Variants in CEP295 observed in about 807,000 individuals in gnomAD.
The protein encoded by CEP295 is centrosomal protein of 295 kDa.
Under a neutral mutation model 291.6 loss-of-function variants are expected in CEP295, and 190 were observed. That is an observed-to-expected ratio of 0.65 (90% confidence interval 0.58 to 0.73). CEP295 has a LOEUF of 0.73. Among genes scored for constraint, CEP295 ranks in the 30% least tolerant of loss-of-function variants. The probability of loss-of-function intolerance (pLI) is 0.00; values close to 1 mark genes in which losing one functional copy is unlikely to be tolerated. For synonymous variants in CEP295, 993 were observed against 1,038.8 expected (o/e 0.96, Z 0.85); for missense variants, 2,863 against 2,949.4 (o/e 0.97, Z 0.68).
chr11:93,705,560 C>T lies in CEP295; in HGVS notation c.5597-1185C>T, dbSNP rs370839664. Among the ~76,000 whole-genome samples the T allele has an allele frequency of 2.1e-4, 32 of 152,152 alleles. No individual in the cohort carries two copies. In the East Asian group the frequency reaches 5.0e-3, roughly 24 times the overall value. The stretch of plus-strand genomic sequence containing the variant: ...TCAAATTGTAGTTTCTAAAAGGTTA[C>T]TCTTTTTCTCTGATTATTTTCTTTT... On this transcript the variant is annotated intron_variant, in intron 17 of 29. Coordinates refer to ENST00000325212, the MANE Select transcript of CEP295 (RefSeq NM_033395.2).
intron 17 of CEP295, among the ~76,000 whole-genome samples, chr11:93,705,062 T>A (rs1591088668): frequency 6.6e-6 from 1 of 152,338 alleles, no homozygotes; most frequent in African/African-American, 2.4e-5. Context: ...CTTATTTATT[T>A]AATTTGCTTA....
Position 93,729,968 on chromosome 11 carries a change from A to C in CEP295, c.7666A>C (p.Arg2556=). 1.3e-6 allele frequency: 2 copies of C among 1,517,270 alleles called. No homozygotes were observed. Among genetic ancestry groups the C allele is most frequent in the Non-Finnish European group, 1.8e-6 (2 of 1,135,828 alleles). The allele number at this position is 1,517,270 out of a possible 1,614,324, so 94.0% of individuals were successfully genotyped here. A position where few individuals can be genotyped will look rare whatever the true frequency, so the allele number is the denominator to read the frequency against. ...TQALRHQRGL[R]LYNQLAEVKQ... ...GGCTCTAAGGCACCAAAGGGGTCTA[A>C]GGTAGGGTTAATTTTTTTTTTTTTT... Residue 2556 remains arginine (R), a splice_region_variant and synonymous_variant, in exon 28 of 30, where the codon AGG becomes CGG. Coordinates refer to ENST00000325212, the MANE Select transcript of CEP295 (RefSeq NM_033395.2).
chr11:93,698,746 A>G lies in CEP295; in HGVS notation c.3834A>G (p.Gln1278=), dbSNP rs1384626578. ...CCTTTCATTTCAGCCAGAAAACCCA[A>G]GAAAATACATCTTCTGAACAAACTG... is the stretch of plus-strand genomic sequence containing the variant. The part of the protein sequence containing the change: ...KEAFHFSQKT[Q]ENTSSEQTGS... The change falls in exon 15 of 30, where the codon CAA becomes CAG. Residue 1278 remains glutamine, a synonymous_variant. Coordinates refer to ENST00000325212, the MANE Select transcript of CEP295 (RefSeq NM_033395.2). The G allele has an allele frequency of 6.4e-7, 1 of 1,551,684 alleles. No homozygotes were observed. Among genetic ancestry groups the G allele is most frequent in the African/African-American group, 1.4e-5 (1 of 73,162 alleles).
chr11:93,697,898 C>T lies in CEP295; in HGVS notation c.2986C>T (p.Pro996Ser), dbSNP rs371711253. 3 of 1,551,694 alleles carry T rather than the reference C, an allele frequency of 1.9e-6. No individual in the cohort carries two copies. Among genetic ancestry groups the T allele is most frequent in the East Asian group, 2.4e-5 (1 of 40,918 alleles). ...VCSEQAEPSF[P>S]FQVAQHTFTS... ...TTCCGAACAGGCTGAGCCCTCTTTC[C>T]CATTTCAGGTAGCTCAGCATACATT... The change falls in exon 15 of 30, where the codon CCA becomes TCA. Residue 996 changes from proline to serine, a missense_variant. Pro to Ser is a moderately conservative substitution (Grantham distance 74). Around this residue, in one of 3 missense-constraint regions of CEP295, gnomAD observed 2,295 missense variants for 2,335.7 expected, o/e 0.98. Coordinates refer to ENST00000325212, the MANE Select transcript of CEP295 (RefSeq NM_033395.2).
intron 17 of CEP295, among the ~76,000 whole-genome samples, chr11:93,706,379 A>T (rs1218633398): frequency 6.6e-6 from 1 of 152,174 alleles, no homozygotes; most frequent in Non-Finnish European, 1.5e-5. Flanking sequence ...TTACCTTCCC[A>T]GTTATCATCC....
At position 93,687,629 on chromosome 11, in the gene CEP295, TTTTC is replaced by T. The variant is rs1464170097; in HGVS notation, c.1115-7_1115-4del. On this transcript the variant is annotated splice_polypyrimidine_tract_variant and intron_variant, in intron 9 of 29. Coordinates refer to ENST00000325212, the MANE Select transcript of CEP295 (RefSeq NM_033395.2). The stretch of plus-strand genomic sequence containing the variant: ...TAGATGCTAAATAAGTTTTTTCCCT[TTTTC>T]TTTCTTTTAGTTCCCTTGGTAATGA... 2.1e-6 allele frequency: 3 copies of T among 1,414,776 alleles called. No homozygotes were observed. The highest frequency in any genetic ancestry group is 2.3e-5 in the Admixed American group (1 of 43,966). 87.6% of individuals were successfully genotyped at this position (1,414,776 alleles called of 1,614,324 possible).
intron 5 of CEP295, among the ~76,000 whole-genome samples, chr11:93,671,040 G>A (rs1210953339): frequency 2.6e-5 from 4 of 151,982 alleles, no homozygotes; most frequent in African/African-American, 7.2e-5. Flanking sequence ...CTGCCACCAT[G>A]CCCCGCTAAT....
intron 8 of CEP295, 102 bp from the exon 9 acceptor site, chr11:93,683,862 C>A: frequency 7.1e-7 from 1 of 1,416,718 alleles, no homozygotes. Flanking sequence ...GGAGGCCCCC[C>A]ATATTTTAGA....
In CEP295 at chr11:93,722,917, G is replaced by A. The variant is rs1953850371; in HGVS notation, c.5948-124G>A. The A allele has an allele frequency of 3.2e-5, 22 of 683,014 alleles. 1 individual carries two copies. In the South Asian group the frequency reaches 4.3e-4, roughly 13 times the overall value. The allele number at this position is 683,014 out of a possible 1,614,324, so 42.3% of individuals were successfully genotyped here. A position where few individuals can be genotyped will look rare whatever the true frequency, so the allele number is the denominator to read the frequency against. On this transcript the variant is annotated intron_variant, in intron 20 of 29. Coordinates refer to ENST00000325212, the MANE Select transcript of CEP295 (RefSeq NM_033395.2). Reference sequence around the variant, plus strand: ...GTAGAGATGGGGTTTCACCATGTTGGCGAGATGGTCTCCATCTCTTGACCT... The same window carrying A: ...GTAGAGATGGGGTTTCACCATGTTGACGAGATGGTCTCCATCTCTTGACCT...
At chr11:93,683,472 A>T in intron 7 of CEP295, 87 bp from the exon 8 acceptor site, 1 of 936,372 alleles carries the variant, frequency 1.1e-6, no homozygotes, top group Admixed American at 3.3e-5. Flanking sequence ...TTAGACCCTG[A>T]TCCTCATTTC....
At chr11:93,721,148 C>G (rs537938107) in intron 18 of CEP295, among the ~76,000 whole-genome samples, 164 bp from the exon 19 acceptor site, 2 of 152,094 alleles carry the variant, frequency 1.3e-5, no homozygotes, top group Non-Finnish European at 1.5e-5. Context: ...TTAACAAATA[C>G]GGTGAATTTT....
At chr11:93,706,711 A>G in intron 17 of CEP295, 34 bp from the exon 18 acceptor site, 1 of 1,487,296 alleles carries the variant, frequency 6.7e-7, no homozygotes, top group Non-Finnish European at 9.0e-7. Flanking sequence ...TAATAGTTCC[A>G]GAAATTGAAG....
chr11:93,672,298 G>A (rs1414496473), intron 5 of CEP295, among the ~76,000 whole-genome samples: 7 of 152,060 alleles, frequency 4.6e-5, no homozygotes, highest in Non-Finnish European at 1.0e-4. Flanking sequence ...CTTTTCATAG[G>A]TCTGTTAAAG....
In CEP295 at chr11:93,730,235, CA is replaced by C; in HGVS notation, c.7773del (p.Leu2592Ter). On this transcript the variant is annotated frameshift_variant, in exon 30 of 30. Coordinates refer to ENST00000325212, the MANE Select transcript of CEP295 (RefSeq NM_033395.2). LOFTEE classifies it high-confidence loss of function. ...AAATTTTTATTCCTTCCACAGAAAA[CA>C]CTAGAGAAACTTCGAGCCAAAAATA... ...RARAKEFHKK[T>X]LEKLRAKNTC is the part of the protein sequence containing the mutation. The C allele has an allele frequency of 6.4e-7, 1 of 1,551,112 alleles. No homozygotes were observed. The highest frequency in any genetic ancestry group is 8.7e-7 in the Non-Finnish European group (1 of 1,146,812).
Position 93,691,664 on chromosome 11 carries a change from G to T in CEP295, c.1337-19G>T. On this transcript the variant is annotated intron_variant, in intron 10 of 29. Transcript: ENST00000325212. ...CAATGATTATATATTCAAAATAACA[G>T]TGGTATTATCTATTACAGTTGTTGA... 1 of 1,418,808 alleles carries T rather than the reference G, an allele frequency of 7.0e-7. No homozygotes were observed. Among genetic ancestry groups the T allele is most frequent in the South Asian group, 1.3e-5 (1 of 78,394 alleles). The allele number at this position is 1,418,808 out of a possible 1,614,324, so 87.9% of individuals were successfully genotyped here.
At position 93,728,745 on chromosome 11, in the gene CEP295, C is replaced by T; in HGVS notation, c.7226C>T (p.Thr2409Ile). The change falls in exon 25 of 30, where the codon ACC (threonine) becomes ATC (isoleucine). Residue 2409 changes from threonine (T) to isoleucine (I), a missense_variant. Thr to Ile is a moderately conservative substitution (Grantham distance 89). Around this residue, in one of 3 missense-constraint regions of CEP295, gnomAD observed 2,295 missense variants for 2,335.7 expected, o/e 0.98. Transcript: ENST00000325212. ...CTTACTTTAATAAGCACCACTGATACCAGTATTGCTGAAATGGATTTTGCA... is the reference window on the plus strand; with the variant it reads ...CTTACTTTAATAAGCACCACTGATATCAGTATTGCTGAAATGGATTTTGCA... ...PELTLISTTD[T>I]SIAEMDFANL... The T allele has an allele frequency of 6.5e-7, 1 of 1,550,028 alleles. No homozygotes were observed. Among genetic ancestry groups the T allele is most frequent in the Non-Finnish European group, 8.7e-7 (1 of 1,145,908 alleles).
chr11:93,718,378 G>C (rs1015357068), intron 18 of CEP295, among the ~76,000 whole-genome samples: 1 of 152,234 alleles, frequency 6.6e-6, no homozygotes. Flanking sequence ...GGCATGAAAA[G>C]ATAGCAGTAA....
rs1163190511 is a variant in CEP295, at chr11:93,698,992, A to G, written c.4080A>G (p.Thr1360=). ...NLKALQEQLA[T]QREAIILARQ... is the part of the protein sequence containing the mutation. ...AGGCACTTCAAGAACAGTTAGCTAC[A>G]CAGAGAGAAGCCATCATTCTAGCTA... Residue 1360 remains threonine (T), a synonymous_variant, in exon 15 of 30, where the codon ACA becomes ACG. Transcript: ENST00000325212. 1 of 1,549,602 alleles carries G rather than the reference A, an allele frequency of 6.5e-7. No individual in the cohort carries two copies. Among genetic ancestry groups the G allele is most frequent in the Non-Finnish European group, 8.7e-7 (1 of 1,147,034 alleles).
intron 9 of CEP295, 101 bp downstream of exon 9, chr11:93,684,229 G>A: frequency 1.1e-6 from 1 of 898,304 alleles, no homozygotes; most frequent in Non-Finnish European, 1.7e-6. Flanking sequence ...ATAAGTGCAA[G>A]CAATGAGTAA....
Sources: allele counts gnomAD v4.1 joint callset (sites outside exome capture counted in the v4.1 genomes callset), GRCh38; gene constraint gnomAD v4.1.1; regional missense constraint gnomAD v4.1.1; transcripts MANE v1.5; gene names NCBI Gene and HGNC (gene_info 2026-07-23, HGNC 2026-07-21).